Variants in RBFOX1 observed in about 807,000 individuals in gnomAD.
RBFOX1 encodes the protein RNA binding fox-1 homolog 1, also known as RNA binding protein fox-1 homolog 1.
A neutral mutation model predicts 57.7 loss-of-function variants in RBFOX1; 8 were observed. The observed-to-expected ratio is 0.14, with a 90% confidence interval of 0.08 to 0.25. The LOEUF (loss-of-function observed/expected upper bound fraction) is 0.25, where lower values mean the gene tolerates loss of function less well. RBFOX1 is among the 10% of genes least tolerant of loss of function. RBFOX1 has a pLI of 1.00. For missense variants in RBFOX1, 611 were observed against 548.5 expected, an observed-to-expected ratio of 1.11 and a Z score of -1.14; for synonymous variants, 326 against 222.4, an observed-to-expected ratio of 1.47 and a Z score of -4.15.
intron 5 of RBFOX1, among the ~76,000 whole-genome samples, chr16:7,556,591 A>C (rs8063058): frequency 6.6e-6 from 1 of 152,102 alleles, no homozygotes; most frequent in South Asian, 2.1e-4. Context: ...TTTTGGATAC[A>C]GAGTTTCATT....
At chr16:6,058,774 C>T (rs1051231904) in intron 1 of RBFOX1, among the ~76,000 whole-genome samples, 2 of 151,762 alleles carry the variant, frequency 1.3e-5, no homozygotes, top group Non-Finnish European at 1.5e-5. Flanking sequence ...TTCATTCACC[C>T]ACCCACCCAC....
intron 2 of RBFOX1, among the ~76,000 whole-genome samples, chr16:6,378,291 C>T (rs961548688): frequency 5.3e-5 from 8 of 152,336 alleles, no homozygotes; most frequent in East Asian, 1.9e-4. Context: ...TCACCTCTCA[C>T]GGAGGCTGGG....
At chr16:5,454,834 T>A (rs1276062518) in intron 1 of RBFOX1, among the ~76,000 whole-genome samples, 1 of 139,826 alleles carries the variant, frequency 7.2e-6, no homozygotes, top group Non-Finnish European at 1.5e-5. Flanking sequence ...TTTCCTTGCT[T>A]TCTTTCCTTT....
chr16:7,601,625 A>ACAC lies in RBFOX1; in HGVS notation c.622+4213_622+4215dup, dbSNP rs141039302. 3.8e-3 allele frequency among the ~76,000 whole-genome samples: 571 copies of ACAC among 152,056 alleles called. 3 individuals carry two copies. Among genetic ancestry groups the ACAC allele is most frequent in the African/African-American group, 0.013 (536 of 41,460 alleles). On this transcript the variant is annotated intron_variant, in intron 9 of 15. Coordinates refer to ENST00000550418, the MANE Select transcript of RBFOX1 (RefSeq NM_018723.4). The stretch of plus-strand genomic sequence containing the variant: ...AATATTTATCTACGAGGAAAAATCA[A>ACAC]CACCACCACCACCACCACCACGAAT...
intron 2 of RBFOX1, among the ~76,000 whole-genome samples, chr16:6,639,434 C>T (rs1414778825): frequency 1.3e-5 from 2 of 152,004 alleles, no homozygotes; most frequent in Admixed American, 6.6e-5. Context: ...TCTTTTGTGG[C>T]CAGTAGGGGT....
chr16:5,796,984 G>C (rs573614186), intron 3 of RBFOX1, among the ~76,000 whole-genome samples: 1 of 152,134 alleles, frequency 6.6e-6, no homozygotes, highest in African/African-American at 2.4e-5. Context: ...TCCTGTGCAG[G>C]AGAACTACAG....
chr16:7,247,200 A>G (rs2094336264), intron 4 of RBFOX1, among the ~76,000 whole-genome samples: 2 of 152,124 alleles, frequency 1.3e-5, no homozygotes, highest in South Asian at 2.1e-4. Context: ...CTAGTCAGAA[A>G]TGTTCTCTTG....
intron 3 of RBFOX1, among the ~76,000 whole-genome samples, chr16:7,011,403 G>A (rs182256084): frequency 6.6e-6 from 1 of 152,192 alleles, no homozygotes; most frequent in Non-Finnish European, 1.5e-5. Context: ...AACCAGGCGG[G>A]CTGTTTGTTG....
At chr16:5,570,459 A>T (rs2046242834) in intron 2 of RBFOX1, among the ~76,000 whole-genome samples, 1 of 152,182 alleles carries the variant, frequency 6.6e-6, no homozygotes, top group African/African-American at 2.4e-5. Flanking sequence ...CAAGCATTTG[A>T]TAAGTTGTAG....
intron 4 of RBFOX1, among the ~76,000 whole-genome samples, chr16:7,179,774 A>G (rs1272584985): frequency 6.6e-6 from 1 of 151,822 alleles, no homozygotes; most frequent in Non-Finnish European, 1.5e-5. Context: ...TTGCTCTGTC[A>G]CTCAGTCTGG....
intron 1 of RBFOX1, among the ~76,000 whole-genome samples, chr16:5,309,238 T>C (rs2064018224): frequency 1.3e-5 from 2 of 152,200 alleles, no homozygotes; most frequent in Admixed American, 1.3e-4. Flanking sequence ...AAACCAGAAG[T>C]CTTAGTGTTT....
intron 2 of RBFOX1, among the ~76,000 whole-genome samples, chr16:6,514,319 T>C (rs990559378): frequency 2.0e-5 from 3 of 152,024 alleles, no homozygotes; most frequent in African/African-American, 7.2e-5. Flanking sequence ...TTCCCGAGAG[T>C]CTCTGTAGTA....
intron 6 of RBFOX1, among the ~76,000 whole-genome samples, chr16:7,583,353 T>C (rs940550084): frequency 6.6e-6 from 1 of 152,232 alleles, no homozygotes; most frequent in Admixed American, 6.5e-5. Context: ...CCTTGAGCTT[T>C]GTCTTCACGT....
At chr16:6,314,593 T>G (rs2080839917) in intron 1 of RBFOX1, among the ~76,000 whole-genome samples, 1 of 152,156 alleles carries the variant, frequency 6.6e-6, no homozygotes, top group Non-Finnish European at 1.5e-5. Context: ...CACTGTGTCT[T>G]AAGTATTTGA....
At chr16:6,421,852 G>C (rs2093781399) in intron 2 of RBFOX1, among the ~76,000 whole-genome samples, 1 of 150,490 alleles carries the variant, frequency 6.6e-6, no homozygotes, top group South Asian at 2.1e-4. Context: ...CCCCTCCTCA[G>C]TCACAAATCC....
chr16:6,387,089 G>T (rs976303670), intron 2 of RBFOX1, among the ~76,000 whole-genome samples: 2 of 152,198 alleles, frequency 1.3e-5, no homozygotes, highest in African/African-American at 4.8e-5. Context: ...TCTTGGTAAA[G>T]TCAAAGTCCA....
intron 4 of RBFOX1, among the ~76,000 whole-genome samples, chr16:7,094,759 T>TGTGTGTGTGG (rs1371628210): frequency 6.5e-4 from 89 of 136,376 alleles, no homozygotes; most frequent in African/African-American, 2.2e-3. Flanking sequence ...TGTGTGTGTG[T>TGTGTGTGTGG]GTGTGTGTGT....
intron 1 of RBFOX1, among the ~76,000 whole-genome samples, chr16:6,235,089 T>G (rs1483433059): frequency 6.6e-6 from 1 of 152,164 alleles, no homozygotes; most frequent in Non-Finnish European, 1.5e-5. Context: ...TGGAATATAA[T>G]TTGCTCCTTA....
At chr16:5,618,130 A>G (rs1414255959) in intron 3 of RBFOX1, among the ~76,000 whole-genome samples, 2 of 152,130 alleles carry the variant, frequency 1.3e-5, no homozygotes, top group Non-Finnish European at 2.9e-5. Context: ...ATCTCCTGGA[A>G]GTCTTCCCAC....
Sources: gnomAD v4.1 joint callset for allele counts (sites outside exome capture counted in the v4.1 genomes callset) on GRCh38, gnomAD v4.1.1 for gene constraint, MANE v1.5 for transcripts, NCBI Gene and HGNC (gene_info 2026-07-23, HGNC 2026-07-21) for gene names.